ARHGAP35: variants seen among roughly 807,000 people sequenced by gnomAD.
The protein encoded by ARHGAP35 is Rho GTPase activating protein 35.
ARHGAP35 carries 15 observed loss-of-function variants against 111.1 expected under a neutral mutation model. The ratio of observed to expected loss-of-function variants is 0.13; its 90% CI spans 0.09 to 0.21. The LOEUF is 0.21. Among genes scored for constraint, ARHGAP35 ranks in the 10% least tolerant of loss-of-function variants. The pLI is 1.00. For missense variants in ARHGAP35, 1,262 were observed against 1,873.0 expected (o/e 0.67, Z 6.02); for synonymous variants, 643 against 710.3 (o/e 0.91, Z 1.51).
rs372184901 is a variant in ARHGAP35 at position 46,922,296 on chromosome 19, C to T, written c.3621C>T (p.Tyr1207=). 1,210 of 1,613,414 alleles carry T rather than the reference C, an allele frequency of 7.5e-4. 4 individuals are homozygous for T. Among genetic ancestry groups the T allele is most frequent in the South Asian group, 4.7e-3 (427 of 91,010 alleles). Residue 1207 remains tyrosine (Y), a synonymous_variant, in exon 2 of 7, where the codon TAC becomes TAT. Transcript: ENST00000672722. The surrounding 1 kb of genome is among the most constrained non-coding windows in gnomAD (Gnocchi z 4.0). ...GYKGDNAVIP[Y]ETDEDPRRRN... is the part of the protein sequence containing the mutation. The stretch of plus-strand genomic sequence containing the variant: ...AAGGGGACAATGCTGTCATTCCATA[C>T]GAAACAGACGAAGACCCGCGGAGGA...
chr19:46,865,850 CT>C (rs2055853010), intron 1 of ARHGAP35, among the ~76,000 whole-genome samples: 1 of 152,038 alleles, frequency 6.6e-6, no homozygotes, highest in South Asian at 2.1e-4. Context: ...GTAATCGTGA[CT>C]TTTTTTGAGA....
At chr19:46,907,039 G>T (rs931173614) in intron 1 of ARHGAP35, among the ~76,000 whole-genome samples, 2 of 152,166 alleles carry the variant, frequency 1.3e-5, no homozygotes, top group African/African-American at 4.8e-5. Context: ...GCAGTGAGTT[G>T]TGATTATATC....
intron 3 of ARHGAP35, among the ~76,000 whole-genome samples, chr19:46,967,899 G>A (rs532469688): frequency 1.3e-5 from 2 of 150,604 alleles, no homozygotes; most frequent in African/African-American, 2.5e-5. Context: ...TGTCACGCCC[G>A]GAGTCCTTCT....
At chr19:46,884,233 C>T (rs1446415542) in intron 1 of ARHGAP35, among the ~76,000 whole-genome samples, 1 of 151,990 alleles carries the variant, frequency 6.6e-6, no homozygotes, top group Non-Finnish European at 1.5e-5. Flanking sequence ...ATTACTTGAG[C>T]CCAGGAGTTG....
intron 1 of ARHGAP35, among the ~76,000 whole-genome samples, chr19:46,870,005 G>A (rs2055879358): frequency 6.8e-6 from 1 of 147,406 alleles, no homozygotes; most frequent in Non-Finnish European, 1.5e-5. Flanking sequence ...GGAGTGCAGT[G>A]GCGCCATCTC....
rs578210289 is a variant in ARHGAP35, at chr19:46,872,732, T to TTAGCCGG, written c.-189+11524_-189+11530dup. 3.1e-3 allele frequency among the ~76,000 whole-genome samples: 474 copies of TTAGCCGG among 151,986 alleles called. 5 individuals are homozygous for TTAGCCGG. Among genetic ancestry groups the TTAGCCGG allele is most frequent in the African/African-American group, 0.011 (451 of 41,462 alleles). On this transcript the variant is annotated intron_variant, in intron 1 of 6. Coordinates refer to ENST00000672722, the MANE Select transcript of ARHGAP35 (RefSeq NM_004491.5). Reference sequence around the variant, plus strand: ...CGTCTCTACTAAAAATACAAAAAAATTAGCCGGGCATGGTGGCAGGCGCCT... The same window carrying TTAGCCGG: ...CGTCTCTACTAAAAATACAAAAAAATTAGCCGGTAGCCGGGCATGGTGGCAGGCGCCT...
chr19:46,948,816 A>G (rs1737805875), intron 3 of ARHGAP35: 1 of 152,244 alleles, frequency 6.6e-6, no homozygotes, highest in Non-Finnish European at 1.5e-5. Context: ...GGGTGGTGGA[A>G]GTATTCCATA....
chr19:46,883,986 C>T (rs1002054549), intron 1 of ARHGAP35, among the ~76,000 whole-genome samples: 4 of 152,154 alleles, frequency 2.6e-5, no homozygotes, highest in East Asian at 3.9e-4. Flanking sequence ...ATCTGGGAGG[C>T]GCAGGTTGCA....
rs1211680302 is a variant in ARHGAP35 at position 46,989,904 on chromosome 19, C to T, written c.4036+229C>T. On this transcript the variant is annotated intron_variant, in intron 5 of 6. Transcript: ENST00000672722. The surrounding 1 kb of genome is among the most constrained non-coding windows in gnomAD (Gnocchi z 5.3). ...ACACCAAGAGAGTTGCAGGTTTCCC[C>T]CAAACTCTCATTAGTTAAGAGCATG... Among the ~76,000 whole-genome samples the T allele has an allele frequency of 6.6e-6, 1 of 152,158 alleles. No homozygotes were observed. The highest frequency in any genetic ancestry group is 1.5e-5 in the Non-Finnish European group (1 of 68,044).
intron 1 of ARHGAP35, among the ~76,000 whole-genome samples, chr19:46,872,351 C>CT (rs906715175): frequency 2.0e-5 from 3 of 148,938 alleles, no homozygotes; most frequent in African/African-American, 4.9e-5. Context: ...GTGATTAAAA[C>CT]TTTTTTTTTA....
In ARHGAP35 at chr19:46,945,902, T is replaced by C. The variant is rs563215006; in HGVS notation, c.3826+8494T>C. Among the ~76,000 whole-genome samples the C allele has an allele frequency of 1.3e-5, 2 of 152,306 alleles. No individual in the cohort carries two copies. The highest frequency in any genetic ancestry group is 3.9e-4 in the East Asian group (2 of 5,184). On this transcript the variant is annotated intron_variant, in intron 3 of 6. Coordinates refer to ENST00000672722, the MANE Select transcript of ARHGAP35 (RefSeq NM_004491.5). The surrounding 1 kb of genome is among the most constrained non-coding windows in gnomAD (Gnocchi z 4.1). ...TTCCCTGGCCCCAGTCCTTTCTTAA[T>C]TGGTTTGCTTACTGAGATGACCAAC...
intron 3 of ARHGAP35, among the ~76,000 whole-genome samples, chr19:46,966,114 A>G (rs1267149189): frequency 6.6e-6 from 1 of 152,118 alleles, no homozygotes; most frequent in Non-Finnish European, 1.5e-5. Flanking sequence ...AGTTTGCCAT[A>G]TGTGATATTT....
Position 46,989,789 on chromosome 19 carries a change from CAG to C in ARHGAP35, c.4036+117_4036+118del. On this transcript the variant is annotated intron_variant, in intron 5 of 6. Coordinates refer to ENST00000672722, the MANE Select transcript of ARHGAP35 (RefSeq NM_004491.5). This position sits in a 1 kb window ranked among gnomAD's most constrained non-coding sequence, Gnocchi z 5.3. ...GCTGTTAGAGCTGAGGTTTGAAGGA[CAG>C]AGGGCAAGGGAATTAACCAGATGAC... 6.5e-7 allele frequency: 1 copy of C among 1,527,092 alleles called. No homozygotes were observed. The highest frequency in any genetic ancestry group is 1.7e-5 in the Admixed American group (1 of 57,596). 94.6% of individuals were successfully genotyped at this position (1,527,092 alleles called of 1,614,324 possible). A position where few individuals can be genotyped will look rare whatever the true frequency, so the allele number is the denominator to read the frequency against.
intron 3 of ARHGAP35, among the ~76,000 whole-genome samples, chr19:46,950,629 G>A (rs1354532480): frequency 1.3e-5 from 2 of 152,210 alleles, no homozygotes; most frequent in East Asian, 1.9e-4. Flanking sequence ...GGCTGAAGGA[G>A]TGATTCTGGC....
chr19:46,905,339 G>C (rs1445004587), intron 1 of ARHGAP35, among the ~76,000 whole-genome samples: 4 of 151,612 alleles, frequency 2.6e-5, no homozygotes. Context: ...CCAAGACTGT[G>C]AAACCTCATC....
chr19:46,950,957 A>G (rs2056409039), intron 3 of ARHGAP35, among the ~76,000 whole-genome samples: 1 of 152,226 alleles, frequency 6.6e-6, no homozygotes, highest in Non-Finnish European at 1.5e-5. Flanking sequence ...GTTTGTGAGG[A>G]GAGGAAAGAG....
chr19:46,865,609 A>G (rs2055851425), intron 1 of ARHGAP35, among the ~76,000 whole-genome samples: 1 of 152,146 alleles, frequency 6.6e-6, no homozygotes, highest in East Asian at 1.9e-4. Context: ...ACCATAGCCT[A>G]ATAGATGTTT....
At chr19:46,911,445 A>G (rs1220899165) in intron 1 of ARHGAP35, among the ~76,000 whole-genome samples, 2 of 152,180 alleles carry the variant, frequency 1.3e-5, no homozygotes, top group Non-Finnish European at 2.9e-5. Context: ...TATGCATTTG[A>G]TTTGGGTGAT....
intron 1 of ARHGAP35, among the ~76,000 whole-genome samples, chr19:46,906,280 G>T (rs747242613): frequency 6.6e-6 from 1 of 152,208 alleles, no homozygotes; most frequent in Non-Finnish European, 1.5e-5. Flanking sequence ...CTGTACTCCA[G>T]CGTGGGTGAC....
Sources: allele counts gnomAD v4.1 joint callset (sites outside exome capture counted in the v4.1 genomes callset), GRCh38; gene constraint gnomAD v4.1.1; non-coding constraint Gnocchi (gnomAD v3.1); transcripts MANE v1.5; gene names NCBI Gene and HGNC (gene_info 2026-07-23, HGNC 2026-07-21).